The following CNKSR3 variants were observed in gnomAD, a reference collection of about 807,000 sequenced individuals.
CNKSR3 encodes the protein CNKSR family member 3.
A neutral mutation model predicts 67.7 loss-of-function variants in CNKSR3; 36 were observed. The observed-to-expected ratio is 0.53, with a 90% CI of 0.41 to 0.70. The LOEUF is 0.70. Ranked by LOEUF, CNKSR3 falls within the 30% of genes least tolerant of loss-of-function variation. CNKSR3 has a pLI of 0.00. For synonymous variants in CNKSR3, 281 were observed against 271.4 expected (o/e 1.04, Z -0.35); for missense variants, 630 against 695.2 (o/e 0.91, Z 1.05).
chr6:154,447,866 C>T (rs1785739462), intron 2 of CNKSR3, among the ~76,000 whole-genome samples: 1 of 152,050 alleles, frequency 6.6e-6, no homozygotes, highest in Non-Finnish European at 1.5e-5. Flanking sequence ...ATTTATATAT[C>T]CAAAGATCTA....
At chr6:154,444,076 T>C (rs186606997) in intron 2 of CNKSR3, among the ~76,000 whole-genome samples, 2 of 152,330 alleles carry the variant, frequency 1.3e-5, no homozygotes, top group East Asian at 3.9e-4. Flanking sequence ...TGCCTCTGTA[T>C]GTCCTAAATT....
intron 2 of CNKSR3, among the ~76,000 whole-genome samples, 197 bp downstream of exon 2, chr6:154,449,898 T>C (rs897562351): frequency 6.6e-6 from 1 of 151,880 alleles, no homozygotes; most frequent in Admixed American, 6.6e-5. Flanking sequence ...CAGATTTAAC[T>C]CGCAGGCCAT....
At chr6:154,508,005 T>C (rs1318055808) in intron 1 of CNKSR3, among the ~76,000 whole-genome samples, 1 of 152,178 alleles carries the variant, frequency 6.6e-6, no homozygotes, top group Non-Finnish European at 1.5e-5. Flanking sequence ...GGTGTGAAGA[T>C]CTCACTCCAT....
At chr6:154,436,390 G>A (rs1201796579) in intron 4 of CNKSR3, among the ~76,000 whole-genome samples, 3 of 152,026 alleles carry the variant, frequency 2.0e-5, no homozygotes, top group African/African-American at 7.2e-5. Context: ...GCCCAGGCAG[G>A]TCTCAAGCAA....
rs1278330093 is a variant in CNKSR3, at chr6:154,400,482, G to A, written c.*5872C>T. 6.6e-6 allele frequency: 1 copy of A among 152,172 alleles called. No homozygotes were observed. The highest frequency in any genetic ancestry group is 6.5e-5 in the Admixed American group (1 of 15,290). 9.4% of individuals were successfully genotyped at this position (152,172 alleles called of 1,614,324 possible). A position where few individuals can be genotyped will look rare whatever the true frequency, so the allele number is the denominator to read the frequency against. The stretch of plus-strand genomic sequence containing the variant: ...ATGTGTATTTCTATGGAAGGGGAGT[G>A]CAGTATGTGGCCCAAAGGTTCTGAA... On this transcript the variant is annotated 3_prime_UTR_variant, in exon 13 of 13. Transcript: ENST00000607772.
intron 1 of CNKSR3, among the ~76,000 whole-genome samples, chr6:154,501,912 G>C (rs116868874): frequency 6.6e-6 from 1 of 152,026 alleles, no homozygotes; most frequent in Non-Finnish European, 1.5e-5. Context: ...GACCGAAGAC[G>C]GACTTGATTT....
intron 9 of CNKSR3, 82 bp downstream of exon 9, chr6:154,422,424 T>G: frequency 7.2e-7 from 1 of 1,391,474 alleles, no homozygotes; most frequent in Admixed American, 2.0e-5. Flanking sequence ...TCAATCACCT[T>G]CAAATTTTAA....
At chr6:154,488,337 T>G (rs1369036925) in intron 1 of CNKSR3, among the ~76,000 whole-genome samples, 1 of 152,224 alleles carries the variant, frequency 6.6e-6, no homozygotes, top group African/African-American at 2.4e-5. Flanking sequence ...CTTCTTAGAT[T>G]TCTTCCTGAA....
chr6:154,488,300 C>T (rs920906831), intron 1 of CNKSR3, among the ~76,000 whole-genome samples: 5 of 152,196 alleles, frequency 3.3e-5, no homozygotes, highest in Admixed American at 2.6e-4. Flanking sequence ...AGGAAGTCTA[C>T]CACAGTTTCA....
intron 2 of CNKSR3, among the ~76,000 whole-genome samples, chr6:154,445,322 TATA>T (rs1237543421): frequency 6.6e-6 from 1 of 152,174 alleles, no homozygotes; most frequent in Non-Finnish European, 1.5e-5. Flanking sequence ...GAGACTAAAA[TATA>T]ATAATATTGT....
chr6:154,447,050 T>C (rs1003969942), intron 2 of CNKSR3, among the ~76,000 whole-genome samples: 11 of 152,224 alleles, frequency 7.2e-5, no homozygotes, highest in South Asian at 4.2e-4. Context: ...GTGATCCGCC[T>C]GCCTCGGCCT....
At chr6:154,502,266 A>G (rs1008723417) in intron 1 of CNKSR3, among the ~76,000 whole-genome samples, 1 of 150,344 alleles carries the variant, frequency 6.7e-6, no homozygotes, top group Non-Finnish European at 1.5e-5. Flanking sequence ...ATCTCAGCTC[A>G]CTGCAACCTC....
Position 154,388,910 on chromosome 6 carries a change from A to G in CNKSR3, c.*17444T>C, listed in dbSNP as rs1784577573. ...TGTTCAAGATGCCAGAGCCCATGCT[A>G]TTCAGATCCTTGGCCCATTTGTAAA... On this transcript the variant is annotated 3_prime_UTR_variant, in exon 13 of 13. Coordinates refer to ENST00000607772, the MANE Select transcript of CNKSR3 (RefSeq NM_173515.4). 6.7e-6 allele frequency: 1 copy of G among 149,518 alleles called. No individual in the cohort carries two copies. Among genetic ancestry groups the G allele is most frequent in the Middle Eastern group, 3.3e-3 (1 of 306 alleles). 9.3% of individuals were successfully genotyped at this position (149,518 alleles called of 1,614,324 possible).
At chr6:154,441,525 C>G in intron 3 of CNKSR3, 146 bp from the exon 4 acceptor site, 1 of 625,264 alleles carries the variant, frequency 1.6e-6, no homozygotes, top group Non-Finnish European at 2.8e-6. Context: ...ACTCTGTCGC[C>G]CAGGCTGGAG....
At chr6:154,496,810 A>G (rs1473527736) in intron 1 of CNKSR3, among the ~76,000 whole-genome samples, 1 of 152,238 alleles carries the variant, frequency 6.6e-6, no homozygotes, top group Non-Finnish European at 1.5e-5. Flanking sequence ...GATCAATGCG[A>G]TTCATAATGC....
Position 154,487,470 on chromosome 6 carries a change from T to C in CNKSR3, c.52+22593A>G, listed in dbSNP as rs117825517. On this transcript the variant is annotated intron_variant, in intron 1 of 12. Coordinates refer to ENST00000607772, the MANE Select transcript of CNKSR3 (RefSeq NM_173515.4). ...TAAATTGGCCAACGTCAGGCAACCA[T>C]GAGAGGAGTAAAGGATCCAAACTTG... 1.5e-3 allele frequency among the ~76,000 whole-genome samples: 227 copies of C among 152,242 alleles called. 1 individual carries two copies. The highest frequency in any genetic ancestry group is 2.7e-3 in the Non-Finnish European group (181 of 68,010).
intron 9 of CNKSR3, among the ~76,000 whole-genome samples, chr6:154,416,685 G>GC (rs1241380626): frequency 1.3e-5 from 2 of 152,174 alleles, no homozygotes; most frequent in Non-Finnish European, 2.9e-5. Flanking sequence ...AAGGGTGGGT[G>GC]CCCAGGTACA....
At chr6:154,469,973 C>T (rs1006139643) in intron 1 of CNKSR3, among the ~76,000 whole-genome samples, 2 of 151,532 alleles carry the variant, frequency 1.3e-5, no homozygotes, top group African/African-American at 4.9e-5. Context: ...AAAGTTTTTT[C>T]AAATTGTTGC....
intron 4 of CNKSR3, among the ~76,000 whole-genome samples, chr6:154,435,266 G>T (rs1785448254): frequency 6.6e-6 from 1 of 152,000 alleles, no homozygotes; most frequent in Non-Finnish European, 1.5e-5. Context: ...AAATGCTAGG[G>T]TTACAGGCAT....
Sources: allele counts gnomAD v4.1 joint callset (sites outside exome capture counted in the v4.1 genomes callset), GRCh38; gene constraint gnomAD v4.1.1; transcripts MANE v1.5; gene names NCBI Gene and HGNC (gene_info 2026-07-23, HGNC 2026-07-21).